Variants in MALRD1 observed in about 807,000 individuals in gnomAD.
MALRD1 encodes MAM and LDL-receptor class A domain-containing protein 1.
In MALRD1, 247 loss-of-function variants were observed where a neutral mutation model predicts 242.1. That is an observed-to-expected ratio of 1.02 (90% CI 0.92 to 1.13). The LOEUF (loss-of-function observed/expected upper bound fraction) is 1.13, where lower values mean the gene tolerates loss of function less well. Among genes scored for constraint, MALRD1 ranks in the 50% most tolerant of loss-of-function variants. The pLI, the probability that MALRD1 is intolerant of heterozygous loss-of-function variation, is 0.00. For missense variants in MALRD1, 2,989 were observed against 2,533.1 expected (o/e 1.18, Z -3.86); for synonymous variants, 995 against 866.6 (o/e 1.15, Z -2.60).
At chr10:19,415,377 G>A (rs1419136854) in intron 28 of MALRD1, among the ~76,000 whole-genome samples, 2 of 152,012 alleles carry the variant, frequency 1.3e-5, no homozygotes, top group African/African-American at 4.8e-5. Context: ...TCCCCCTTGT[G>A]AATTATTAGA....
chr10:19,062,138 T>C (rs1170427463), intron 1 of MALRD1, among the ~76,000 whole-genome samples: 2 of 152,004 alleles, frequency 1.3e-5, no homozygotes, highest in African/African-American at 4.8e-5. Context: ...CTCAAAAAAA[T>C]ACATAAATGT....
intron 24 of MALRD1, among the ~76,000 whole-genome samples, chr10:19,345,705 G>A (rs1844085009): frequency 6.6e-6 from 1 of 151,660 alleles, no homozygotes; most frequent in Admixed American, 6.6e-5. Flanking sequence ...AATTTGTATT[G>A]GCTGTTAAAC....
chr10:19,304,477 CAA>C (rs1023839928), intron 21 of MALRD1, among the ~76,000 whole-genome samples: 3 of 151,616 alleles, frequency 2.0e-5, no homozygotes, highest in Non-Finnish European at 4.4e-5. Flanking sequence ...TTGTACAAGT[CAA>C]ATATATTCCT....
At chr10:19,375,061 G>A (rs1470491042) in intron 26 of MALRD1, among the ~76,000 whole-genome samples, 3 of 152,102 alleles carry the variant, frequency 2.0e-5, no homozygotes, top group Non-Finnish European at 4.4e-5. Context: ...TCTAGATATA[G>A]ACTGAAAATA....
chr10:19,567,188 T>A (rs781215839), intron 32 of MALRD1, among the ~76,000 whole-genome samples: 8 of 152,198 alleles, frequency 5.3e-5, no homozygotes, highest in Non-Finnish European at 1.2e-4. Flanking sequence ...ACAAAGTTCT[T>A]TAGCAATAAA....
Position 19,171,631 on chromosome 10 carries a change from TATAA to T in MALRD1, c.1831-3573_1831-3570del, listed in dbSNP as rs1834955509. On this transcript the variant is annotated intron_variant, in intron 13 of 39. Transcript: ENST00000454679. ...ACACACATATATGTCTATGTGTGTATATAAATACACACACACATATATATGTCTA... is the reference window on the plus strand; with the variant it reads ...ACACACATATATGTCTATGTGTGTATATACACACACACATATATATGTCTA... Among the ~76,000 whole-genome samples the T allele has an allele frequency of 2.5e-5, 3 of 122,438 alleles. 1 individual carries two copies. The highest frequency in any genetic ancestry group is 5.5e-5 in the Non-Finnish European group (3 of 54,866). The allele number at this position is 122,438 out of a possible 152,430, so 80.3% of individuals were successfully genotyped here.
chr10:19,427,510 A>G (rs1047778639), intron 28 of MALRD1, among the ~76,000 whole-genome samples: 4 of 152,200 alleles, frequency 2.6e-5, no homozygotes, highest in South Asian at 2.1e-4. Context: ...TGTCTCGCAG[A>G]TGGCCTCTTG....
intron 22 of MALRD1, among the ~76,000 whole-genome samples, chr10:19,324,334 A>G (rs1588910703): frequency 2.6e-5 from 4 of 152,298 alleles, no homozygotes; most frequent in Admixed American, 1.3e-4. Context: ...TGCTGAGGTT[A>G]CAGCTTCTGG....
intron 1 of MALRD1, among the ~76,000 whole-genome samples, chr10:19,052,453 A>C (rs1000472096): frequency 2.6e-5 from 4 of 152,154 alleles, no homozygotes; most frequent in African/African-American, 9.7e-5. Context: ...TGGGATCAAG[A>C]AAGTGTATTT....
chr10:19,289,513 C>A (rs1296717785), intron 21 of MALRD1, among the ~76,000 whole-genome samples: 1 of 152,130 alleles, frequency 6.6e-6, no homozygotes, highest in East Asian at 1.9e-4. Flanking sequence ...TAATATTTAA[C>A]ATATGTGCTC....
In MALRD1 at chr10:19,348,006, CA is replaced by C. The variant is rs756250885; in HGVS notation, c.4142del (p.Asn1381ThrfsTer20). 3.9e-6 allele frequency: 6 copies of C among 1,549,592 alleles called. No individual in the cohort carries two copies. Among genetic ancestry groups the C allele is most frequent in the Non-Finnish European group, 5.2e-6 (6 of 1,146,532 alleles). ...ISSPVISKRS[K>X]NCKIIFHYHM... ...CAAGTCCAGTTATAAGTAAGAGAAGCAAAAACTGCAAGGTATGGGGAAAATC... is the reference window on the plus strand; with the variant it reads ...CAAGTCCAGTTATAAGTAAGAGAAGCAAAACTGCAAGGTATGGGGAAAATC... On this transcript the variant is annotated frameshift_variant, in exon 25 of 40. Coordinates refer to ENST00000454679, the MANE Select transcript of MALRD1 (RefSeq NM_001142308.3). LOFTEE classifies it high-confidence loss of function.
At position 19,266,517 on chromosome 10, in the gene MALRD1, T is replaced by C. The variant is rs560730316; in HGVS notation, c.3079+8746T>C. Reference sequence around the variant, plus strand: ...ACACGTCTTCCCACCCCAACATTTATGTTTTTAATTTCACAATTTACATCT... The same window carrying C: ...ACACGTCTTCCCACCCCAACATTTACGTTTTTAATTTCACAATTTACATCT... On this transcript the variant is annotated intron_variant, in intron 19 of 39. Transcript: ENST00000454679. Among the ~76,000 whole-genome samples the C allele has an allele frequency of 3.3e-5, 5 of 152,000 alleles. No individual in the cohort carries two copies. The South Asian group carries it at 8.3e-4, about 25-fold the overall frequency.
At chr10:19,295,079 G>A (rs1310929841) in intron 21 of MALRD1, among the ~76,000 whole-genome samples, 1 of 151,962 alleles carries the variant, frequency 6.6e-6, no homozygotes, top group African/African-American at 2.4e-5. Context: ...ACTGTTATTA[G>A]TTGCTTTTGG....
chr10:19,674,442 A>G (rs1842054681), intron 36 of MALRD1, among the ~76,000 whole-genome samples: 1 of 152,198 alleles, frequency 6.6e-6, no homozygotes, highest in Non-Finnish European at 1.5e-5. Context: ...GAGGTCAAAG[A>G]GAGTCTTAGA....
intron 36 of MALRD1, among the ~76,000 whole-genome samples, chr10:19,645,844 G>A (rs7073886): frequency 0.098 from 14,858 of 151,948 alleles, 1,870 homozygotes; most frequent in African/African-American, 0.29. Flanking sequence ...AAACCTGCAC[G>A]TTGTGCACAT....
chr10:19,601,528 A>G (rs1385478514), intron 34 of MALRD1, among the ~76,000 whole-genome samples: 1 of 152,026 alleles, frequency 6.6e-6, no homozygotes, highest in Non-Finnish European at 1.5e-5. Flanking sequence ...ACAGAAACTA[A>G]TATTTTTGTT....
In MALRD1 at chr10:19,125,286, TTTCTTTCCTTCC is replaced by T. The variant is rs1317856493; in HGVS notation, c.943+620_943+631del. 9.3e-3 allele frequency among the ~76,000 whole-genome samples: 1,030 copies of T among 111,166 alleles called. 32 individuals carry two copies. Among genetic ancestry groups the T allele is most frequent in the African/African-American group, 0.019 (486 of 26,134 alleles). 72.9% of individuals were successfully genotyped at this position (111,166 alleles called of 152,430 possible). Reference sequence around the variant, plus strand: ...TTCTTTCTCTTTCTTTCTTTCTTTCTTTCTTTCCTTCCTTCCTTCCTTCCTTCCTTCCTTCCT... The same window carrying T: ...TTCTTTCTCTTTCTTTCTTTCTTTCTTTCCTTCCTTCCTTCCTTCCTTCCT... On this transcript the variant is annotated intron_variant, in intron 7 of 39. Coordinates refer to ENST00000454679, the MANE Select transcript of MALRD1 (RefSeq NM_001142308.3).
intron 29 of MALRD1, among the ~76,000 whole-genome samples, chr10:19,464,365 C>T (rs1217781737): frequency 6.6e-6 from 1 of 152,184 alleles, no homozygotes; most frequent in Non-Finnish European, 1.5e-5. Flanking sequence ...AGTCCTTGAT[C>T]CATCTTGAGT....
At chr10:19,512,439 T>G (rs191233182) in intron 31 of MALRD1, among the ~76,000 whole-genome samples, 2 of 152,336 alleles carry the variant, frequency 1.3e-5, no homozygotes, top group Admixed American at 1.3e-4. Flanking sequence ...TCAGTTAGTT[T>G]TGCATAATGC....
Sources: allele counts gnomAD v4.1 joint callset (sites outside exome capture counted in the v4.1 genomes callset), GRCh38; gene constraint gnomAD v4.1.1; transcripts MANE v1.5; gene names NCBI Gene and HGNC (gene_info 2026-07-23, HGNC 2026-07-21).